IRS1: variants seen among roughly 807,000 people sequenced by gnomAD.
IRS1 encodes insulin receptor substrate 1.
IRS1 carries 34 observed loss-of-function variants against 65.6 expected under a neutral mutation model. The ratio of observed to expected loss-of-function variants is 0.52; its 90% CI spans 0.39 to 0.69. The LOEUF is 0.69. Among genes scored for constraint, IRS1 ranks in the 30% least tolerant of loss-of-function variants. The pLI, the probability that IRS1 is intolerant of heterozygous loss-of-function variation, is 0.00. For missense variants in IRS1, 1,641 were observed against 1,720.2 expected, an observed-to-expected ratio of 0.95 and a Z score of 0.81; for synonymous variants, 699 against 683.5, an observed-to-expected ratio of 1.02 and a Z score of -0.35.
At chr2:226,757,220 G>T (rs956824891) in intron 1 of IRS1, among the ~76,000 whole-genome samples, 5 of 152,160 alleles carry the variant, frequency 3.3e-5, no homozygotes, top group Non-Finnish European at 1.5e-5. Context: ...TTCACTACTA[G>T]AGGATGGTAC....
intron 1 of IRS1, among the ~76,000 whole-genome samples, chr2:226,739,044 G>A (rs550686731): frequency 1.3e-5 from 2 of 152,166 alleles, no homozygotes; most frequent in African/African-American, 4.8e-5. Flanking sequence ...AAAACAGGTG[G>A]CTTCACTGGG....
intron 1 of IRS1, among the ~76,000 whole-genome samples, chr2:226,771,236 G>A (rs995329054): frequency 1.1e-4 from 16 of 152,148 alleles, no homozygotes; most frequent in Admixed American, 1.3e-4. Context: ...GAAGGATGAC[G>A]GTGATAGGGC....
At position 226,731,397 on chromosome 2, in the gene IRS1, G is replaced by T. The variant is rs1938218687; in HGVS notation, c.*4875C>A. On this transcript the variant is annotated 3_prime_UTR_variant, in exon 2 of 2. Coordinates refer to ENST00000305123, the MANE Select transcript of IRS1 (RefSeq NM_005544.3). ...AAGGACCACTAATATTTACATCCAT[G>T]AATTCATTTAGACAGTTTTCTTTAA... 1 of 151,974 alleles carries T rather than the reference G, an allele frequency of 6.6e-6. No individual in the cohort carries two copies. Among genetic ancestry groups the T allele is most frequent in the South Asian group, 2.1e-4 (1 of 4,820 alleles). The allele number at this position is 151,974 out of a possible 1,614,324, so 9.4% of individuals were successfully genotyped here.
intron 1 of IRS1, among the ~76,000 whole-genome samples, chr2:226,788,256 C>A (rs1415824468): frequency 2.0e-5 from 3 of 152,084 alleles, no homozygotes; most frequent in Admixed American, 1.3e-4. Context: ...TCAGCTTACT[C>A]AATAAAACAT....
intron 1 of IRS1, among the ~76,000 whole-genome samples, chr2:226,743,852 T>A (rs1938488177): frequency 6.6e-6 from 1 of 152,216 alleles, no homozygotes; most frequent in African/African-American, 2.4e-5. Flanking sequence ...AGTGTATGGA[T>A]GGTGAAAATT....
At chr2:226,786,684 A>T (rs1489207536) in intron 1 of IRS1, among the ~76,000 whole-genome samples, 2 of 151,470 alleles carry the variant, frequency 1.3e-5, no homozygotes, top group African/African-American at 4.8e-5. Context: ...AAACCAAAAA[A>T]AATTGGAAAC....
intron 1 of IRS1, among the ~76,000 whole-genome samples, chr2:226,754,570 A>G (rs1169413903): frequency 6.6e-6 from 1 of 152,240 alleles, no homozygotes; most frequent in Non-Finnish European, 1.5e-5. Context: ...TAAAGGGACA[A>G]TTAGGATTCA....
intron 1 of IRS1, among the ~76,000 whole-genome samples, chr2:226,759,822 A>C (rs1938878552): frequency 6.6e-6 from 1 of 152,252 alleles, no homozygotes; most frequent in African/African-American, 2.4e-5. Flanking sequence ...ATGAAAATGC[A>C]CTGAAATGTT....
Position 226,798,329 on chromosome 2 carries a change from C to A in IRS1, c.410G>T (p.Ser137Ile). 3.7e-6 allele frequency: 6 copies of A among 1,613,408 alleles called. No individual in the cohort carries two copies. The highest frequency in any genetic ancestry group is 1.6e-4 in the Middle Eastern group (1 of 6,062). ...LGAGGGGGSC[S>I]GSSGLGEAGE... is the part of the protein sequence containing the mutation. ...AGCCTCACCAAGGCCGGAGCTGCCG[C>A]TGCAGCTGCCCCCACCACCTCCCGC... The change falls in exon 1 of 2, where the codon AGC becomes ATC. Residue 137 changes from serine to isoleucine, a missense_variant. Coordinates refer to ENST00000305123, the MANE Select transcript of IRS1 (RefSeq NM_005544.3). This position sits in a 1 kb window ranked among gnomAD's most constrained non-coding sequence, Gnocchi z 9.4.
At chr2:226,744,330 C>T (rs1938496472) in intron 1 of IRS1, among the ~76,000 whole-genome samples, 1 of 152,192 alleles carries the variant, frequency 6.6e-6, no homozygotes, top group South Asian at 2.1e-4. Context: ...TCCAAAACAA[C>T]CATGAGGTAC....
At chr2:226,748,913 T>C (rs193261683) in intron 1 of IRS1, among the ~76,000 whole-genome samples, 14 of 152,280 alleles carry the variant, frequency 9.2e-5, no homozygotes, top group African/African-American at 2.4e-4. Context: ...GGTTTTCAGA[T>C]TGAACCCTGA....
chr2:226,749,271 G>A (rs1938623746), intron 1 of IRS1, among the ~76,000 whole-genome samples: 1 of 152,130 alleles, frequency 6.6e-6, no homozygotes, highest in African/African-American at 2.4e-5. Context: ...ATGTAAGCAA[G>A]AGTTGTGGCC....
chr2:226,790,169 C>T (rs1225187451), intron 1 of IRS1, among the ~76,000 whole-genome samples: 3 of 152,162 alleles, frequency 2.0e-5, no homozygotes, highest in African/African-American at 7.2e-5. Flanking sequence ...CCTCAAGTTA[C>T]TGATGAAGAA....
In IRS1 at chr2:226,798,130, G is replaced by A. The variant is rs546212101; in HGVS notation, c.609C>T (p.Ala203=). 22 of 1,613,974 alleles carry A rather than the reference G, an allele frequency of 1.4e-5. No individual in the cohort carries two copies. Among genetic ancestry groups the A allele is most frequent in the African/African-American group, 6.7e-5 (5 of 75,028 alleles). The part of the protein sequence containing the change: ...SFVKLNSEAA[A]VVLQLMNIRR... ...TGATGTTCATCAGCTGCAGCACCACGGCCGCTGCCTCCGAGTTCAGCTTCA... is the reference window on the plus strand; with the variant it reads ...TGATGTTCATCAGCTGCAGCACCACAGCCGCTGCCTCCGAGTTCAGCTTCA... The change falls in exon 1 of 2, where the codon GCC becomes GCT. Residue 203 remains alanine, a synonymous_variant. Transcript: ENST00000305123. The surrounding 1 kb of genome is among the most constrained non-coding windows in gnomAD (Gnocchi z 9.4).
Position 226,798,867 on chromosome 2 carries a change from A to G in IRS1, c.-129T>C. On this transcript the variant is annotated 5_prime_UTR_variant, in exon 1 of 2. Transcript: ENST00000305123. This position sits in a 1 kb window ranked among gnomAD's most constrained non-coding sequence, Gnocchi z 9.4. ...GGAGGCAGCAGAAACCCCGACTCTG[A>G]AATCCACGCCGCCCCCCGCGCCGGG... is the stretch of plus-strand genomic sequence containing the variant. 6.5e-7 allele frequency: 1 copy of G among 1,529,022 alleles called. No individual in the cohort carries two copies. The allele number at this position is 1,529,022 out of a possible 1,614,324, so 94.7% of individuals were successfully genotyped here.
chr2:226,797,915 T>C lies in IRS1; in HGVS notation c.824A>G (p.Asn275Ser), dbSNP rs201110062. ...GGGGACGCTGATGGGGTTAGAGCAGTTGGACGAGGACTGGCTCTTGCTGCG... is the reference window on the plus strand; with the variant it reads ...GGGGACGCTGATGGGGTTAGAGCAGCTGGACGAGGACTGGCTCTTGCTGCG... The part of the protein sequence containing the change: ...RPRSKSQSSS[N>S]CSNPISVPLR... Residue 275 changes from asparagine to serine, a missense_variant, in exon 1 of 2, where the codon AAC becomes AGC. Physicochemically the swap from Asn to Ser is conservative, Grantham distance 46 (BLOSUM62 1). Coordinates refer to ENST00000305123, the MANE Select transcript of IRS1 (RefSeq NM_005544.3). This position sits in a 1 kb window ranked among gnomAD's most constrained non-coding sequence, Gnocchi z 8.1. The C allele has an allele frequency of 4.3e-5, 69 of 1,613,842 alleles. No individual in the cohort carries two copies. The South Asian group carries it at 7.5e-4, about 17-fold the overall frequency.
rs879145611 is a variant in IRS1 at position 226,797,681 on chromosome 2, C to T, written c.1058G>A (p.Arg353Lys). ...DGSPVSPSTN[R>K]THAHRHRGSA... is the part of the protein sequence containing the mutation. ...GCCCCGATGCCGGTGGGCGTGGGTTCTGTTGGTGCTGGGACTCACAGGGCT... is the reference window on the plus strand; with the variant it reads ...GCCCCGATGCCGGTGGGCGTGGGTTTTGTTGGTGCTGGGACTCACAGGGCT... The change falls in exon 1 of 2, where the codon AGA becomes AAA. Residue 353 changes from arginine (R) to lysine (K), a missense_variant. Physicochemically the swap from Arg to Lys is conservative, Grantham distance 26. Coordinates refer to ENST00000305123, the MANE Select transcript of IRS1 (RefSeq NM_005544.3). This position sits in a 1 kb window ranked among gnomAD's most constrained non-coding sequence, Gnocchi z 8.1. 1 of 1,597,462 alleles carries T rather than the reference C, an allele frequency of 6.3e-7. No homozygotes were observed. The highest frequency in any genetic ancestry group is 1.7e-5 in the Admixed American group (1 of 59,722).
At chr2:226,786,063 G>A (rs1939481590) in intron 1 of IRS1, among the ~76,000 whole-genome samples, 1 of 149,380 alleles carries the variant, frequency 6.7e-6, no homozygotes, top group South Asian at 2.3e-4. Flanking sequence ...TCCCTACAAA[G>A]GACATGCACT....
chr2:226,796,785 G>T lies in IRS1; in HGVS notation c.1954C>A (p.Arg652Ser). 1 of 1,585,576 alleles carries T rather than the reference G, an allele frequency of 6.3e-7. No homozygotes were observed. The highest frequency in any genetic ancestry group is 8.6e-7 in the Non-Finnish European group (1 of 1,164,126). The change falls in exon 1 of 2, where the codon CGC (arginine) becomes AGC (serine). Residue 652 changes from arginine to serine, a missense_variant. Physicochemically the swap from Arg to Ser is moderately radical, Grantham distance 110. Coordinates refer to ENST00000305123, the MANE Select transcript of IRS1 (RefSeq NM_005544.3). ...APQQIINPIR[R>S]HPQRVDPNGY... ...TTGGGGTCCACTCTCTGGGGATGGCGTCTGATGGGATTGATGATCTGCTGT... is the reference window on the plus strand; with the variant it reads ...TTGGGGTCCACTCTCTGGGGATGGCTTCTGATGGGATTGATGATCTGCTGT...
Sources: allele counts gnomAD v4.1 joint callset (sites outside exome capture counted in the v4.1 genomes callset), GRCh38; gene constraint gnomAD v4.1.1; non-coding constraint Gnocchi (gnomAD v3.1); transcripts MANE v1.5; gene names NCBI Gene and HGNC (gene_info 2026-07-23, HGNC 2026-07-21).